The following ADGRV1 variants were observed in gnomAD, a reference collection of about 807,000 sequenced individuals.
The protein encoded by ADGRV1 is G-protein coupled receptor 98.
ADGRV1 carries 359 observed loss-of-function variants against 596.2 expected under a neutral mutation model. The ratio of observed to expected loss-of-function variants is 0.60; its 90% CI spans 0.55 to 0.66. The LOEUF is 0.66. Among genes scored for constraint, ADGRV1 ranks in the 30% least tolerant of loss-of-function variants. ADGRV1 has a pLI of 0.00. For synonymous variants in ADGRV1, 2,681 were observed against 2,679.2 expected, an observed-to-expected ratio of 1.00 and a Z score of -0.02; for missense variants, 7,274 against 7,575.6, an observed-to-expected ratio of 0.96 and a Z score of 1.48.
chr5:90,733,488 C>G (rs1343349348), intron 50 of ADGRV1, among the ~76,000 whole-genome samples: 1 of 152,048 alleles, frequency 6.6e-6, no homozygotes, highest in African/African-American at 2.4e-5. Context: ...ATTGCGAAGA[C>G]TAGAAGATTT....
intron 71 of ADGRV1, among the ~76,000 whole-genome samples, chr5:90,804,005 C>T (rs529738717): frequency 8.6e-5 from 13 of 152,034 alleles, no homozygotes; most frequent in Non-Finnish European, 1.8e-4. Context: ...TGTGTGTGCA[C>T]GCATGTGTGT....
Position 90,627,269 on chromosome 5 carries a change from A to T in ADGRV1, c.731A>T (p.Glu244Val). The part of the protein sequence containing the change: ...IQLKSVEGGA[E>V]INTSRNSIEI... Reference sequence around the variant, plus strand: ...CTGAAAAGTGTAGAAGGAGGAGCTGAGATTAACACCTCTAGGAATTCCATT... The same window carrying T: ...CTGAAAAGTGTAGAAGGAGGAGCTGTGATTAACACCTCTAGGAATTCCATT... The change falls in exon 7 of 90, where the codon GAG becomes GTG. Residue 244 changes from glutamate to valine, a missense_variant. Glu to Val is a moderately radical substitution (Grantham distance 121). Coordinates refer to ENST00000405460, the MANE Select transcript of ADGRV1 (RefSeq NM_032119.4). The T allele has an allele frequency of 6.3e-7, 1 of 1,595,346 alleles. No homozygotes were observed.
At chr5:91,011,837 T>G (rs1782749873) in intron 85 of ADGRV1, among the ~76,000 whole-genome samples, 1 of 152,040 alleles carries the variant, frequency 6.6e-6, no homozygotes, top group Middle Eastern at 3.4e-3. Context: ...ATTTCATGGA[T>G]AGTAGTAGCA....
chr5:90,717,102 A>G (rs1203756284), intron 43 of ADGRV1: 1 of 154,604 alleles, frequency 6.5e-6, no homozygotes, highest in Non-Finnish European at 1.4e-5. Flanking sequence ...TTTCCCTTTC[A>G]CCACATTTTT....
intron 1 of ADGRV1, among the ~76,000 whole-genome samples, chr5:90,592,044 G>C (rs958260099): frequency 3.3e-5 from 5 of 152,180 alleles, no homozygotes; most frequent in Non-Finnish European, 5.9e-5. Context: ...CAAATGTTTG[G>C]ACTATGGAAA....
In ADGRV1 at chr5:90,708,110, A is replaced by C. The variant is rs539905941; in HGVS notation, c.8731-706A>C. ...TGTGTACTGACATTATATATGCATAAATATACATACACATTGTGTTTCTTT... is the reference window on the plus strand; with the variant it reads ...TGTGTACTGACATTATATATGCATACATATACATACACATTGTGTTTCTTT... On this transcript the variant is annotated intron_variant, in intron 38 of 89. Coordinates refer to ENST00000405460, the MANE Select transcript of ADGRV1 (RefSeq NM_032119.4). Among the ~76,000 whole-genome samples, 167 of 152,280 alleles carry C rather than the reference A, an allele frequency of 1.1e-3. 1 individual carries two copies. Among genetic ancestry groups the C allele is most frequent in the Non-Finnish European group, 1.7e-3 (116 of 68,012 alleles).
At chr5:90,766,721 T>G (rs968944872) in intron 59 of ADGRV1, among the ~76,000 whole-genome samples, 30 of 152,172 alleles carry the variant, frequency 2.0e-4, no homozygotes, top group African/African-American at 6.8e-4. Flanking sequence ...TTCTGTAACT[T>G]GTAAGAATGA....
At chr5:90,725,709 T>G in intron 48 of ADGRV1, 53 bp downstream of exon 48, 5 of 982,242 alleles carry the variant, frequency 5.1e-6, no homozygotes, top group Non-Finnish European at 1.6e-6. Context: ...TTTTTAACAT[T>G]ATAATTGAAA....
intron 83 of ADGRV1, among the ~76,000 whole-genome samples, chr5:90,892,121 G>A (rs147252544): frequency 5.5e-4 from 83 of 152,120 alleles, no homozygotes; most frequent in African/African-American, 1.9e-3. Flanking sequence ...AATCATTAGT[G>A]TAGATTTATC....
rs990935995 is a variant in ADGRV1 at position 90,783,854 on chromosome 5, A to G, written c.13450A>G (p.Ile4484Val). 6.8e-6 allele frequency: 11 copies of G among 1,607,206 alleles called. No homozygotes were observed. The African/African-American group carries it at 9.4e-5, about 14-fold the overall frequency. The change falls in exon 67 of 90, where the codon ATT becomes GTT. Residue 4484 changes from isoleucine (I) to valine (V), a missense_variant. Around this residue, in one of 5 missense-constraint regions of ADGRV1, gnomAD observed 3,643 missense variants for 3,809.2 expected, o/e 0.96. Coordinates refer to ENST00000405460, the MANE Select transcript of ADGRV1 (RefSeq NM_032119.4). ...DDNESEFEEP[I>V]EILLTGATGG... Reference sequence around the variant, plus strand: ...GCCATGCAGTGAATTTGAGGAGCCCATTGAAATTCTACTCACTGGAGCTAC... The same window carrying G: ...GCCATGCAGTGAATTTGAGGAGCCCGTTGAAATTCTACTCACTGGAGCTAC...
intron 32 of ADGRV1, 81 bp downstream of exon 32, chr5:90,692,867 C>A: frequency 9.1e-7 from 1 of 1,093,248 alleles, no homozygotes; most frequent in Non-Finnish European, 1.3e-6. Context: ...ACAGTTAAAT[C>A]ATTTAGGTTT....
At chr5:91,046,909 GA>G (rs1340529754) in intron 85 of ADGRV1, among the ~76,000 whole-genome samples, 3 of 152,048 alleles carry the variant, frequency 2.0e-5, no homozygotes, top group Admixed American at 1.3e-4. Context: ...ACAAACATAT[GA>G]AAAAATGCTC....
At chr5:91,004,274 T>G (rs1402990048) in intron 85 of ADGRV1, among the ~76,000 whole-genome samples, 1 of 152,168 alleles carries the variant, frequency 6.6e-6, no homozygotes, top group Non-Finnish European at 1.5e-5. Flanking sequence ...CCTGATGAAC[T>G]GACTTTGAGG....
intron 58 of ADGRV1, among the ~76,000 whole-genome samples, chr5:90,761,520 G>A (rs1756512487): frequency 6.6e-6 from 1 of 152,096 alleles, no homozygotes; most frequent in African/African-American, 2.4e-5. Context: ...TCTGGACTTG[G>A]GCACTGGACA....
intron 86 of ADGRV1, among the ~76,000 whole-genome samples, chr5:91,085,363 A>G (rs960742671): frequency 1.3e-5 from 2 of 152,194 alleles, no homozygotes; most frequent in East Asian, 1.9e-4. Context: ...CTTATTTATT[A>G]TAAGTACTCT....
At chr5:91,065,099 A>G (rs901021195) in intron 85 of ADGRV1, among the ~76,000 whole-genome samples, 3 of 152,242 alleles carry the variant, frequency 2.0e-5, no homozygotes, top group Non-Finnish European at 2.9e-5. Context: ...TGTACTCTCT[A>G]TACAAATTAG....
intron 83 of ADGRV1, among the ~76,000 whole-genome samples, chr5:90,937,433 T>C (rs1386948467): frequency 1.3e-5 from 2 of 151,458 alleles, no homozygotes; most frequent in Non-Finnish European, 2.9e-5. Context: ...ATTTATTGTA[T>C]CTTTTAATTG....
intron 75 of ADGRV1, among the ~76,000 whole-genome samples, chr5:90,818,311 T>G (rs1470709343): frequency 1.3e-5 from 2 of 151,656 alleles, no homozygotes; most frequent in African/African-American, 2.4e-5. Context: ...AAGGAGATTT[T>G]GGGCTGAGAC....
intron 39 of ADGRV1, 67 bp downstream of exon 39, chr5:90,708,976 A>G: frequency 9.7e-7 from 1 of 1,032,362 alleles, no homozygotes; most frequent in Non-Finnish European, 1.5e-6. Flanking sequence ...TTCATTTTTG[A>G]ATCAGAAGTG....
Sources: gnomAD v4.1 joint callset for allele counts (sites outside exome capture counted in the v4.1 genomes callset) on GRCh38, gnomAD v4.1.1 for gene constraint, gnomAD v4.1.1 regional missense constraint, MANE v1.5 for transcripts, NCBI Gene and HGNC (gene_info 2026-07-23, HGNC 2026-07-21) for gene names.